The following TSG101 variants were observed in gnomAD, a reference collection of about 807,000 sequenced individuals.
The protein encoded by TSG101 is tumor susceptibility gene 101 protein.
Under a neutral mutation model 48.5 loss-of-function variants are expected in TSG101, and 19 were observed. That is an observed-to-expected ratio of 0.39 (90% CI 0.27 to 0.58). The LOEUF (loss-of-function observed/expected upper bound fraction) is 0.58. Among genes scored for constraint, TSG101 ranks in the 20% least tolerant of loss-of-function variants. The probability of loss-of-function intolerance (pLI) is 0.55; values close to 1 mark genes in which losing one functional copy is unlikely to be tolerated. For synonymous variants in TSG101, 174 were observed against 169.4 expected (o/e 1.03, Z -0.21); for missense variants, 365 against 484.4 (o/e 0.75, Z 2.31).
At chr11:18,499,402 A>ATTTTTTTTTTTTTTTTTTT (rs1160424288) in intron 7 of TSG101, among the ~76,000 whole-genome samples, 1 of 5,456 alleles carries the variant, frequency 1.8e-4, no homozygotes, top group Non-Finnish European at 3.5e-4. Flanking sequence ...ATATATATAT[A>ATTTTTTTTTTTTTTTTTTT]TTTTTTTTTT....
intron 4 of TSG101, among the ~76,000 whole-genome samples, chr11:18,514,121 GA>G (rs916112398): frequency 2.0e-5 from 3 of 151,632 alleles, no homozygotes; most frequent in African/African-American, 7.3e-5. Context: ...TACCCTGGGG[GA>G]AAAGTTATTG....
intron 5 of TSG101, chr11:18,507,731 A>AC (rs1849998609): frequency 6.6e-6 from 1 of 152,208 alleles, no homozygotes; most frequent in Admixed American, 6.5e-5. Context: ...TGCAACAGTA[A>AC]CAATAGTATG....
intron 7 of TSG101, chr11:18,490,892 T>C (rs1183720395): frequency 6.0e-6 from 3 of 503,732 alleles, no homozygotes; most frequent in East Asian, 5.2e-5. Context: ...ACTACAGCCA[T>C]ATCATCATAG....
chr11:18,526,741 C>T, intron 1 of TSG101, 34 bp downstream of exon 1: 3 of 1,594,036 alleles, frequency 1.9e-6, no homozygotes, highest in East Asian at 2.3e-5. Context: ...GAGCGGTGGG[C>T]GCGCCCTGGG....
In TSG101 at chr11:18,526,932, G is replaced by A; in HGVS notation, c.-116C>T. On this transcript the variant is annotated 5_prime_UTR_variant, in exon 1 of 10. Transcript: ENST00000251968. ...ACCCGGCCTCAAACAACAGGAAGTC[G>A]GCACCACTACACCACTTCCGCTTCC... 4.3e-6 allele frequency: 5 copies of A among 1,152,192 alleles called. No individual in the cohort carries two copies. Among genetic ancestry groups the A allele is most frequent in the South Asian group, 2.8e-5 (2 of 71,908 alleles). 71.4% of individuals were successfully genotyped at this position (1,152,192 alleles called of 1,614,324 possible).
intron 7 of TSG101, among the ~76,000 whole-genome samples, chr11:18,500,085 T>G (rs928736298): frequency 1.3e-5 from 2 of 152,196 alleles, no homozygotes; most frequent in African/African-American, 4.8e-5. Context: ...GGCTCCCACA[T>G]GAGAACATTT....
intron 2 of TSG101, among the ~76,000 whole-genome samples, chr11:18,517,167 G>A (rs1178019733): frequency 2.0e-5 from 3 of 150,840 alleles, no homozygotes; most frequent in African/African-American, 7.3e-5. Flanking sequence ...GACTACAGGC[G>A]TGCACTACCA....
At chr11:18,503,587 T>C (rs887699536) in intron 6 of TSG101, among the ~76,000 whole-genome samples, 2 of 152,080 alleles carry the variant, frequency 1.3e-5, no homozygotes, top group Non-Finnish European at 2.9e-5. Flanking sequence ...TTAGCCAGGA[T>C]GGTCTCAATC....
intron 2 of TSG101, 71 bp from the exon 3 acceptor site, chr11:18,516,235 A>C: frequency 7.2e-7 from 1 of 1,388,346 alleles, no homozygotes; most frequent in Non-Finnish European, 1.0e-6. Flanking sequence ...TCTTTCAGAA[A>C]GACTGGTTAA....
chr11:18,501,095 A>C (rs906593674), intron 7 of TSG101, among the ~76,000 whole-genome samples: 2 of 152,214 alleles, frequency 1.3e-5, no homozygotes, highest in Non-Finnish European at 2.9e-5. Context: ...GACGTGAGCC[A>C]CTGCATCTGG....
rs1015203254 is a variant in TSG101, at chr11:18,525,541, A to G, written c.42+1234T>C. On this transcript the variant is annotated intron_variant, in intron 1 of 9. Coordinates refer to ENST00000251968, the MANE Select transcript of TSG101 (RefSeq NM_006292.4). ...AGCCTGGGTGACAGAGCAAGACTCTAAAAAAAAAAAAAAAAAAAAAAGAGT... is the reference window on the plus strand; with the variant it reads ...AGCCTGGGTGACAGAGCAAGACTCTGAAAAAAAAAAAAAAAAAAAAAGAGT... 3.4e-3 allele frequency: 323 copies of G among 93,872 alleles called. 2 individuals are homozygous for G. Among genetic ancestry groups the G allele is most frequent in the Middle Eastern group, 0.017 (4 of 238 alleles). 5.8% of individuals were successfully genotyped at this position (93,872 alleles called of 1,614,324 possible).
chr11:18,526,249 GA>G (rs1475665289), intron 1 of TSG101, among the ~76,000 whole-genome samples: 1 of 152,078 alleles, frequency 6.6e-6, no homozygotes, highest in Non-Finnish European at 1.5e-5. Context: ...GAAAATCCCT[GA>G]AATGGTAATG....
chr11:18,514,916 G>A (rs1428710188), intron 3 of TSG101, 75 bp from the exon 4 acceptor site: 3 of 1,337,934 alleles, frequency 2.2e-6, no homozygotes, highest in Non-Finnish European at 2.0e-6. Context: ...AGGAACAGAG[G>A]TTTAGTCTAG....
chr11:18,512,587 A>C (rs1850103258), intron 4 of TSG101, among the ~76,000 whole-genome samples: 1 of 152,096 alleles, frequency 6.6e-6, no homozygotes, highest in Non-Finnish European at 1.5e-5. Context: ...TGTACTTGAT[A>C]AATATAAATT....
intron 7 of TSG101, among the ~76,000 whole-genome samples, chr11:18,500,115 C>T (rs1227249438): frequency 1.3e-5 from 2 of 152,120 alleles, no homozygotes; most frequent in Admixed American, 1.3e-4. Flanking sequence ...CTTTCTGCGC[C>T]TAGTTTATTT....
chr11:18,524,758 A>G (rs1850338415), intron 1 of TSG101, among the ~76,000 whole-genome samples: 1 of 152,266 alleles, frequency 6.6e-6, no homozygotes, highest in Admixed American at 6.5e-5. Context: ...AGGCAGGTAG[A>G]GGTATAAAAT....
chr11:18,500,668 T>C (rs1165881894), intron 7 of TSG101, among the ~76,000 whole-genome samples: 1 of 152,196 alleles, frequency 6.6e-6, no homozygotes, highest in African/African-American at 2.4e-5. Context: ...GCCCACTTTT[T>C]AATGGTTTGT....
At chr11:18,509,771 T>C in intron 4 of TSG101, 106 bp from the exon 5 acceptor site, 1 of 1,224,204 alleles carries the variant, frequency 8.2e-7, no homozygotes, top group Non-Finnish European at 1.1e-6. Context: ...ATAATTTTCT[T>C]TGTAGGACCC....
chr11:18,484,116 T>G lies in TSG101; in HGVS notation c.641-44A>C, dbSNP rs779155033. On this transcript the variant is annotated intron_variant, in intron 7 of 9. Transcript: ENST00000251968. ...AAAAACACTTGCTTACTTCCCAAGT[T>G]CCTTCTATTTGTCTCACAGGAACCT... 3 of 1,600,636 alleles carry G rather than the reference T, an allele frequency of 1.9e-6. No homozygotes were observed. In the East Asian group the frequency reaches 6.7e-5, roughly 36 times the overall value.
Sources: gnomAD v4.1 joint callset for allele counts (sites outside exome capture counted in the v4.1 genomes callset) on GRCh38, gnomAD v4.1.1 for gene constraint, MANE v1.5 for transcripts, NCBI Gene and HGNC (gene_info 2026-07-23, HGNC 2026-07-21) for gene names.